ZNF184: variants seen among roughly 807,000 people sequenced by gnomAD.
ZNF184 encodes the protein zinc finger protein 184.
ZNF184 carries 16 observed loss-of-function variants against 54.4 expected under a neutral mutation model. The observed-to-expected ratio is 0.29, with a 90% CI of 0.20 to 0.45. The LOEUF (loss-of-function observed/expected upper bound fraction) is 0.45, where lower values mean the gene tolerates loss of function less well. Ranked by LOEUF, ZNF184 falls within the 20% of genes least tolerant of loss-of-function variation. The probability of loss-of-function intolerance (pLI) is 1.00; values close to 1 mark genes in which losing one functional copy is unlikely to be tolerated. For synonymous variants in ZNF184, 254 were observed against 295.3 expected (o/e 0.86, Z 1.43); for missense variants, 681 against 888.2 (o/e 0.77, Z 2.97).
Position 27,453,196 on chromosome 6 carries a change from T to C in ZNF184, c.363A>G (p.Leu121=). 1.2e-6 allele frequency: 2 copies of C among 1,613,564 alleles called. No individual in the cohort carries two copies. Among genetic ancestry groups the C allele is most frequent in the South Asian group, 1.1e-5 (1 of 90,914 alleles). The change falls in exon 6 of 6, where the codon CTA becomes CTG. Residue 121 remains leucine (L), a synonymous_variant. Coordinates refer to ENST00000683788, the MANE Select transcript of ZNF184 (RefSeq NM_001318891.2). This position sits in a 1 kb window ranked among gnomAD's most constrained non-coding sequence, Gnocchi z 4.7. ...APEPDISEEE[L]SPEVIVEKHK... Reference sequence around the variant, plus strand: ...GTTTTTCCACTATTACCTCTGGAGATAGCTCTTCTTCAGAAATGTCAGGCT... The same window carrying C: ...GTTTTTCCACTATTACCTCTGGAGACAGCTCTTCTTCAGAAATGTCAGGCT...
Position 27,472,634 on chromosome 6 carries a change from T to A in ZNF184, c.-140+95A>T. The A allele has an allele frequency of 6.5e-6, 2 of 308,834 alleles. No individual in the cohort carries two copies. The highest frequency in any genetic ancestry group is 6.2e-6 in the Non-Finnish European group (1 of 160,782). The allele number at this position is 308,834 out of a possible 1,614,324, so 19.1% of individuals were successfully genotyped here. On this transcript the variant is annotated intron_variant, in intron 1 of 5. Transcript: ENST00000683788. This position sits in a 1 kb window ranked among gnomAD's most constrained non-coding sequence, Gnocchi z 4.8. ...TCCAAAAAACCCTTGGTGCCCACCC[T>A]AGAATCTGGCCGGGGCATCCACAGA...
the ZNF184 span, among the ~76,000 whole-genome samples, chr6:27,417,555 C>A: frequency 6.6e-6 from 1 of 152,256 alleles, no homozygotes; most frequent in Admixed American, 6.5e-5. Flanking sequence ...TTGAGAAATC[C>A]TGGAGAAGAG....
At chr6:27,425,402 G>A in the ZNF184 span, among the ~76,000 whole-genome samples, 1 of 152,222 alleles carries the variant, frequency 6.6e-6, no homozygotes, top group Non-Finnish European at 1.5e-5. Context: ...CTGTGACAAT[G>A]ACCTCATAGT....
At chr6:27,429,910 A>C in the ZNF184 span, among the ~76,000 whole-genome samples, 2 of 152,264 alleles carry the variant, frequency 1.3e-5, no homozygotes, top group Admixed American at 6.5e-5. Context: ...CAGAGCCTTC[A>C]TAAGGAAATA....
chr6:27,405,745 AGCCAC>A, the ZNF184 span: 1 of 152,292 alleles, frequency 6.6e-6, no homozygotes, highest in South Asian at 2.1e-4. Context: ...TAACCCATCC[AGCCAC>A]GCTCTTATGA....
At chr6:27,450,025 C>A (rs1017750574), downstream of ZNF184, among the ~76,000 whole-genome samples, 1 of 152,148 alleles carries the variant, frequency 6.6e-6, no homozygotes, top group Non-Finnish European at 1.5e-5. Flanking sequence ...TGTAAATCCA[C>A]CTGCTTTGGG....
rs1370766334 is a variant in ZNF184, at chr6:27,472,392, C to T, written c.-98G>A. Reference sequence around the variant, plus strand: ...CTCGGTCTAGGACTCAGATGTCTAACTCCCCTTGCAGGGAATCTGCAACAC... The same window carrying T: ...CTCGGTCTAGGACTCAGATGTCTAATTCCCCTTGCAGGGAATCTGCAACAC... On this transcript the variant is annotated 5_prime_UTR_variant, in exon 2 of 6. Transcript: ENST00000683788. The surrounding 1 kb of genome is among the most constrained non-coding windows in gnomAD (Gnocchi z 4.8). 1.3e-6 allele frequency: 2 copies of T among 1,531,258 alleles called. No individual in the cohort carries two copies. The highest frequency in any genetic ancestry group is 2.7e-5 in the African/African-American group (2 of 73,020). The allele number at this position is 1,531,258 out of a possible 1,614,324, so 94.9% of individuals were successfully genotyped here. A position where few individuals can be genotyped will look rare whatever the true frequency, so the allele number is the denominator to read the frequency against.
At chr6:27,427,673 A>G in the ZNF184 span, among the ~76,000 whole-genome samples, 1 of 152,124 alleles carries the variant, frequency 6.6e-6, no homozygotes, top group African/African-American at 2.4e-5. Context: ...GCTACTTCCT[A>G]GTTGTCTCCA....
the ZNF184 span, among the ~76,000 whole-genome samples, chr6:27,412,255 T>G: frequency 2.6e-5 from 4 of 152,158 alleles, no homozygotes; most frequent in Non-Finnish European, 4.4e-5. Flanking sequence ...GGTTCCACAG[T>G]TGGTAGGAGT....
chr6:27,472,628 C>T lies in ZNF184; in HGVS notation c.-140+101G>A. The T allele has an allele frequency of 3.1e-6, 1 of 325,168 alleles. No homozygotes were observed. Among genetic ancestry groups the T allele is most frequent in the Non-Finnish European group, 5.9e-6 (1 of 170,498 alleles). 20.1% of individuals were successfully genotyped at this position (325,168 alleles called of 1,614,324 possible). A position where few individuals can be genotyped will look rare whatever the true frequency, so the allele number is the denominator to read the frequency against. On this transcript the variant is annotated intron_variant, in intron 1 of 5. Coordinates refer to ENST00000683788, the MANE Select transcript of ZNF184 (RefSeq NM_001318891.2). This position sits in a 1 kb window ranked among gnomAD's most constrained non-coding sequence, Gnocchi z 4.8. Reference sequence around the variant, plus strand: ...TTCAGATCCAAAAAACCCTTGGTGCCCACCCTAGAATCTGGCCGGGGCATC... The same window carrying T: ...TTCAGATCCAAAAAACCCTTGGTGCTCACCCTAGAATCTGGCCGGGGCATC...
At chr6:27,416,362 G>A in the ZNF184 span, among the ~76,000 whole-genome samples, 236 of 152,294 alleles carry the variant, frequency 1.5e-3, no homozygotes, top group Middle Eastern at 3.4e-3. Flanking sequence ...GTTTACTTAT[G>A]TAGACTTGGG....
downstream of ZNF184, among the ~76,000 whole-genome samples, chr6:27,446,671 G>C (rs1394193661): frequency 6.6e-6 from 1 of 152,182 alleles, no homozygotes; most frequent in Non-Finnish European, 1.5e-5. Flanking sequence ...TAGGACTCCA[G>C]AATTGTGGGG....
the ZNF184 span, among the ~76,000 whole-genome samples, chr6:27,423,645 A>AG: frequency 1.1e-5 from 1 of 94,402 alleles, no homozygotes; most frequent in Admixed American, 1.2e-4. Context: ...CCAAAAAAAC[A>AG]AAAAACAAAA....
In ZNF184 at chr6:27,457,345, G is replaced by C. The variant is rs1369769427; in HGVS notation, c.140C>G (p.Pro47Arg). The C allele has an allele frequency of 6.2e-7, 1 of 1,614,034 alleles. No individual in the cohort carries two copies. The highest frequency in any genetic ancestry group is 1.1e-5 in the South Asian group (1 of 91,078). The change falls in exon 4 of 6, where the codon CCT becomes CGT. Residue 47 changes from proline to arginine, a missense_variant. Coordinates refer to ENST00000683788, the MANE Select transcript of ZNF184 (RefSeq NM_001318891.2). The stretch of plus-strand genomic sequence containing the variant: ...ATCCCTGAACAAATCTCTCTGGCCA[G>C]GGTCCAGCTGTTTCCATTCTTCCTG... ...FTQEEWKQLD[P>R]GQRDLFRDVT...
the ZNF184 span, among the ~76,000 whole-genome samples, chr6:27,429,743 G>T: frequency 6.6e-6 from 1 of 152,130 alleles, no homozygotes; most frequent in African/African-American, 2.4e-5. Flanking sequence ...GCAAAAGGCT[G>T]ATCTCTATGG....
chr6:27,424,311 C>A, the ZNF184 span, among the ~76,000 whole-genome samples: 6 of 152,176 alleles, frequency 3.9e-5, no homozygotes, highest in African/African-American at 1.4e-4. Context: ...TAAGCAGCAG[C>A]AAGATTTATT....
intron 3 of ZNF184, among the ~76,000 whole-genome samples, chr6:27,462,604 CCTG>C (rs1173852188): frequency 6.6e-6 from 1 of 151,476 alleles, no homozygotes; most frequent in Admixed American, 6.6e-5. Context: ...GTGGCTCACA[CCTG>C]TAATCCCAGC....
the ZNF184 span, among the ~76,000 whole-genome samples, chr6:27,423,761 A>G: frequency 5.3e-5 from 8 of 152,232 alleles, no homozygotes; most frequent in Non-Finnish European, 1.2e-4. Flanking sequence ...TATTAGGTTT[A>G]TGCTTAACAA....
At chr6:27,467,733 T>A (rs1254478727) in intron 3 of ZNF184, 120 bp downstream of exon 3, 1 of 894,772 alleles carries the variant, frequency 1.1e-6, no homozygotes, top group African/African-American at 1.7e-5. Context: ...ACTAGACAGA[T>A]GAGAGCCCAG....
Sources: gnomAD v4.1 joint callset for allele counts (sites outside exome capture counted in the v4.1 genomes callset) on GRCh38, gnomAD v4.1.1 for gene constraint, Gnocchi (gnomAD v3.1) non-coding constraint, MANE v1.5 for transcripts, NCBI Gene and HGNC (gene_info 2026-07-23, HGNC 2026-07-21) for gene names.